PLXNB1: variants seen among roughly 807,000 people sequenced by gnomAD.
PLXNB1 encodes the protein plexin B1, also known as plexin-B1.
A neutral mutation model predicts 209.4 loss-of-function variants in PLXNB1; 106 were observed. The ratio of observed to expected loss-of-function variants is 0.51; its 90% confidence interval spans 0.43 to 0.59. The LOEUF (loss-of-function observed/expected upper bound fraction) is 0.59, where lower values mean the gene tolerates loss of function less well. Ranked by LOEUF, PLXNB1 falls within the 20% of genes least tolerant of loss-of-function variation. The pLI, the probability that PLXNB1 is intolerant of heterozygous loss-of-function variation, is 0.00. For synonymous variants in PLXNB1, 1,167 were observed against 1,183.2 expected, an observed-to-expected ratio of 0.99 and a Z score of 0.28; for missense variants, 2,357 against 2,853.2, an observed-to-expected ratio of 0.83 and a Z score of 3.96.
At position 48,409,958 on chromosome 3, in the gene PLXNB1, C is replaced by G. The variant is rs771648410; in HGVS notation, c.5725G>C (p.Glu1909Gln). Residue 1909 changes from glutamate (E) to glutamine (Q), a missense_variant, in exon 32 of 38, where the codon GAG becomes CAG. By Grantham distance (29) the Glu-to-Gln change is conservative. Transcript: ENST00000296440. The surrounding 1 kb of genome is among the most constrained non-coding windows in gnomAD (Gnocchi z 5.8). The part of the protein sequence containing the change: ...RRGSLRGGER[E>Q]RAKAIPEIYL... ...ATCTCAGGGATGGCCTTGGCGCGCT[C>G]ACGCTCCCCGCCCCGAAGGCTGCCC... The G allele has an allele frequency of 6.2e-7, 1 of 1,612,206 alleles. No homozygotes were observed. Among genetic ancestry groups the G allele is most frequent in the East Asian group, 2.2e-5 (1 of 44,792 alleles).
In PLXNB1 at chr3:48,406,605, T is replaced by C. The variant is rs909212553; in HGVS notation, c.6228+218A>G. On this transcript the variant is annotated intron_variant, in intron 36 of 37. Transcript: ENST00000296440. This position sits in a 1 kb window ranked among gnomAD's most constrained non-coding sequence, Gnocchi z 4.4. ...TGGCTGAATCAGGGTACATGGCAGC[T>C]GCCAGGACAAGACCCCTGCTTGCTC... 25 of 1,389,200 alleles carry C rather than the reference T, an allele frequency of 1.8e-5. No homozygotes were observed. Among genetic ancestry groups the C allele is most frequent in the Non-Finnish European group, 2.0e-5 (22 of 1,073,774 alleles). The allele number at this position is 1,389,200 out of a possible 1,614,324, so 86.1% of individuals were successfully genotyped here. A position where few individuals can be genotyped will look rare whatever the true frequency, so the allele number is the denominator to read the frequency against.
At position 48,422,850 on chromosome 3, in the gene PLXNB1, C is replaced by T. The variant is rs751748174; in HGVS notation, c.1205G>A (p.Gly402Glu). The T allele has an allele frequency of 1.2e-6, 2 of 1,614,136 alleles. No homozygotes were observed. The highest frequency in any genetic ancestry group is 2.2e-5 in the South Asian group (2 of 91,080). ...LEATPILEWP[G>E]IQLTAVAVTM... The stretch of plus-strand genomic sequence containing the variant: ...GACTGCCACAGCTGTTAGCTGAATC[C>T]CTGGCCACTCCAGAATTGGTGTGGC... The change falls in exon 4 of 38, where the codon GGG becomes GAG. Residue 402 changes from glycine to glutamate, a missense_variant. Around this residue, in one of 7 missense-constraint regions of PLXNB1, gnomAD observed 404 missense variants for 443.6 expected, o/e 0.91. Coordinates refer to ENST00000296440, the MANE Select transcript of PLXNB1 (RefSeq NM_001130082.3).
In PLXNB1 at chr3:48,421,757, G is replaced by A; in HGVS notation, c.1570C>T (p.Leu524=). The part of the protein sequence containing the change: ...CSRGQGPEQW[L]WSFQPELGCL... ...CCCAGCTCAGGCTGGAAGCTCCATA[G>A]CCACTGCTCTGGGCCCTGGCCCCTC... is the stretch of plus-strand genomic sequence containing the variant. Residue 524 remains leucine (L), a synonymous_variant, in exon 7 of 38, where the codon CTA becomes TTA. Transcript: ENST00000296440. 1.2e-6 allele frequency: 2 copies of A among 1,610,038 alleles called. No homozygotes were observed. Among genetic ancestry groups the A allele is most frequent in the Non-Finnish European group, 1.7e-6 (2 of 1,176,804 alleles).
chr3:48,409,548 G>A lies in PLXNB1; in HGVS notation c.5939+23C>T, dbSNP rs1456585249. 3.1e-6 allele frequency: 5 copies of A among 1,613,602 alleles called. No individual in the cohort carries two copies. The highest frequency in any genetic ancestry group is 2.7e-5 in the African/African-American group (2 of 74,910). ...AGAGAAGACCCCCCACACACACCTA[G>A]AGCCCACCCAGCTCCACCCCACCTG... is the stretch of plus-strand genomic sequence containing the variant. On this transcript the variant is annotated intron_variant, in intron 33 of 37. Transcript: ENST00000296440. The surrounding 1 kb of genome is among the most constrained non-coding windows in gnomAD (Gnocchi z 5.8).
Position 48,418,784 on chromosome 3 carries a change from G to T in PLXNB1, c.2955+133C>A. On this transcript the variant is annotated intron_variant, in intron 13 of 37. Coordinates refer to ENST00000296440, the MANE Select transcript of PLXNB1 (RefSeq NM_001130082.3). This position sits in a 1 kb window ranked among gnomAD's most constrained non-coding sequence, Gnocchi z 6.6. ...GGCACATGGTCAGAGGTCAGAAATG[G>T]GTGTGGAGACTCCCTCAGGGCGACA... 1 of 1,158,642 alleles carries T rather than the reference G, an allele frequency of 8.6e-7. No individual in the cohort carries two copies. Among genetic ancestry groups the T allele is most frequent in the Non-Finnish European group, 1.3e-6 (1 of 794,404 alleles). The allele number at this position is 1,158,642 out of a possible 1,614,324, so 71.8% of individuals were successfully genotyped here. A position where few individuals can be genotyped will look rare whatever the true frequency, so the allele number is the denominator to read the frequency against.
In PLXNB1 at chr3:48,417,759, A is replaced by T; in HGVS notation, c.3374+152T>A. ...GGTGTGGTGGGTGCTCAGGGTCTTC[A>T]GTGGCAACGCTGGCACTCGGGCATT... is the stretch of plus-strand genomic sequence containing the variant. On this transcript the variant is annotated intron_variant, in intron 16 of 37. Coordinates refer to ENST00000296440, the MANE Select transcript of PLXNB1 (RefSeq NM_001130082.3). This position sits in a 1 kb window ranked among gnomAD's most constrained non-coding sequence, Gnocchi z 4.4. 2 of 830,198 alleles carry T rather than the reference A, an allele frequency of 2.4e-6. No homozygotes were observed. Among genetic ancestry groups the T allele is most frequent in the East Asian group, 2.6e-5 (1 of 38,084 alleles). 51.4% of individuals were successfully genotyped at this position (830,198 alleles called of 1,614,324 possible). A position where few individuals can be genotyped will look rare whatever the true frequency, so the allele number is the denominator to read the frequency against.
chr3:48,418,626 A>G lies in PLXNB1; in HGVS notation c.2956-84T>C. On this transcript the variant is annotated intron_variant, in intron 13 of 37. Coordinates refer to ENST00000296440, the MANE Select transcript of PLXNB1 (RefSeq NM_001130082.3). This position sits in a 1 kb window ranked among gnomAD's most constrained non-coding sequence, Gnocchi z 6.6. The stretch of plus-strand genomic sequence containing the variant: ...GGGGTTAGTCAGAGAAAGGACTAAA[A>G]CGACCAGTTAGGAGCATAGGGTCAG... 1.7e-6 allele frequency: 2 copies of G among 1,198,160 alleles called. No individual in the cohort carries two copies. The highest frequency in any genetic ancestry group is 2.4e-6 in the Non-Finnish European group (2 of 827,674). The allele number at this position is 1,198,160 out of a possible 1,614,324, so 74.2% of individuals were successfully genotyped here.
Position 48,424,540 on chromosome 3 carries a change from T to C in PLXNB1, c.72A>G (p.Pro24=), listed in dbSNP as rs1282586843. Residue 24 remains proline, a synonymous_variant, in exon 3 of 38, where the codon CCA becomes CCG. Coordinates refer to ENST00000296440, the MANE Select transcript of PLXNB1 (RefSeq NM_001130082.3). The part of the protein sequence containing the change: ...AGWVLTLQPL[P]PTAFTPNGTY... ...TGCCATTGGGAGTGAATGCAGTTGG[T>C]GGAAGGGGCTGGAGGGTGAGGACCC... The C allele has an allele frequency of 1.9e-6, 3 of 1,577,798 alleles. No homozygotes were observed. The highest frequency in any genetic ancestry group is 2.7e-5 in the African/African-American group (2 of 73,940).
intron 4 of PLXNB1, 82 bp from the exon 5 acceptor site, chr3:48,422,541 T>C: frequency 1.4e-6 from 2 of 1,441,906 alleles, no homozygotes; most frequent in Non-Finnish European, 1.8e-6. Context: ...CCAATCGAAG[T>C]AATTTACAAA....
In PLXNB1 at chr3:48,419,541, C is replaced by T; in HGVS notation, c.2709+36G>A. ...TAGGGGTAGCATCTTCCCCACATCC[C>T]CTCCCCTGAGGCCTCCTTCCTGGGC... On this transcript the variant is annotated intron_variant, in intron 11 of 37. Coordinates refer to ENST00000296440, the MANE Select transcript of PLXNB1 (RefSeq NM_001130082.3). The surrounding 1 kb of genome is among the most constrained non-coding windows in gnomAD (Gnocchi z 5.7). 1 of 1,571,238 alleles carries T rather than the reference C, an allele frequency of 6.4e-7. No homozygotes were observed. Among genetic ancestry groups the T allele is most frequent in the East Asian group, 2.3e-5 (1 of 44,222 alleles).
rs1355813109 is a variant in PLXNB1 at position 48,415,875 on chromosome 3, G to C, written c.3618-116C>G. 2 of 1,342,094 alleles carry C rather than the reference G, an allele frequency of 1.5e-6. No individual in the cohort carries two copies. Among genetic ancestry groups the C allele is most frequent in the Non-Finnish European group, 2.0e-6 (2 of 985,428 alleles). The allele number at this position is 1,342,094 out of a possible 1,614,324, so 83.1% of individuals were successfully genotyped here. On this transcript the variant is annotated intron_variant, in intron 18 of 37. Coordinates refer to ENST00000296440, the MANE Select transcript of PLXNB1 (RefSeq NM_001130082.3). The surrounding 1 kb of genome is among the most constrained non-coding windows in gnomAD (Gnocchi z 5.0). Reference sequence around the variant, plus strand: ...GCAGTCTCCACCAGGTGTCCCTGGAGGTGCACTCCCACCACAGCTGGCTAG... The same window carrying C: ...GCAGTCTCCACCAGGTGTCCCTGGACGTGCACTCCCACCACAGCTGGCTAG...
chr3:48,419,451 C>T lies in PLXNB1; in HGVS notation c.2710-85G>A, dbSNP rs2038338085. 13 of 1,502,616 alleles carry T rather than the reference C, an allele frequency of 8.7e-6. No homozygotes were observed. Among genetic ancestry groups the T allele is most frequent in the East Asian group, 2.3e-5 (1 of 42,848 alleles). The allele number at this position is 1,502,616 out of a possible 1,614,324, so 93.1% of individuals were successfully genotyped here. On this transcript the variant is annotated intron_variant, in intron 11 of 37. Transcript: ENST00000296440. This position sits in a 1 kb window ranked among gnomAD's most constrained non-coding sequence, Gnocchi z 5.7. ...CCTTGCCAGATTCCAGAGGCAAGGC[C>T]GGTGTGGGGCTGCAGACTCCACCCT...
rs2037710104 is a variant in PLXNB1 at position 48,411,938 on chromosome 3, G to GTC, written c.5170_5171dup (p.Asp1724GlufsTer4). On this transcript the variant is annotated frameshift_variant, in exon 28 of 38. Transcript: ENST00000296440. LOFTEE classifies it high-confidence loss of function. The surrounding 1 kb of genome is among the most constrained non-coding windows in gnomAD (Gnocchi z 4.0). ...TGTATTTGGCCTTGCCTGTCACACT[G>GTC]TCCACTGGCCCCTTATCCACTTGGT... is the stretch of plus-strand genomic sequence containing the variant. The GTC allele has an allele frequency of 6.2e-7, 1 of 1,613,984 alleles. No homozygotes were observed. Among genetic ancestry groups the GTC allele is most frequent in the Non-Finnish European group, 8.5e-7 (1 of 1,179,982 alleles).
rs201421515 is a variant in PLXNB1, at chr3:48,411,871, G to A, written c.5239C>T (p.Arg1747Cys). The change falls in exon 28 of 38, where the codon CGT becomes TGT. Residue 1747 changes from arginine to cysteine, a missense_variant. By Grantham distance (180) the Arg-to-Cys change is radical. Coordinates refer to ENST00000296440, the MANE Select transcript of PLXNB1 (RefSeq NM_001130082.3). The surrounding 1 kb of genome is among the most constrained non-coding windows in gnomAD (Gnocchi z 4.0). ...NRLLREDVEY[R>C]PLTLNALLAV... ...CACTTGCACACCCTCACCAGGGGAC[G>A]GTACTCCACATCCTCTCTGAGCAGG... 139 of 1,613,928 alleles carry A rather than the reference G, an allele frequency of 8.6e-5. No homozygotes were observed. Among genetic ancestry groups the A allele is most frequent in the South Asian group, 2.6e-4 (24 of 91,070 alleles).
intron 1 of PLXNB1, among the ~76,000 whole-genome samples, chr3:48,428,491 C>A (rs1222277866): frequency 6.6e-6 from 1 of 152,190 alleles, no homozygotes; most frequent in Non-Finnish European, 1.5e-5. Context: ...ACCTCCCGGA[C>A]CCCCGTGGAG....
Position 48,424,522 on chromosome 3 carries a change from G to T in PLXNB1, c.90C>A (p.Pro30=). 6.3e-7 allele frequency: 1 copy of T among 1,597,840 alleles called. No individual in the cohort carries two copies. The highest frequency in any genetic ancestry group is 1.3e-5 in the African/African-American group (1 of 74,642). ...CCAGGTGCTGCAGATACGTGCCATT[G>T]GGAGTGAATGCAGTTGGTGGAAGGG... ...LQPLPPTAFT[P]NGTYLQHLAR... is the part of the protein sequence containing the mutation. Residue 30 remains proline, a synonymous_variant, in exon 3 of 38, where the codon CCC becomes CCA. Transcript: ENST00000296440.
In PLXNB1 at chr3:48,424,608, G is replaced by C. The variant is rs2038784608; in HGVS notation, c.4C>G (p.Pro2Ala). M[P>A]ALGPALLQAL... ...TGGAGAAGAGCTGGGCCCAGAGCAGGCATGGTCACCTGGCAGGAAGAGAGG... is the reference window on the plus strand; with the variant it reads ...TGGAGAAGAGCTGGGCCCAGAGCAGCCATGGTCACCTGGCAGGAAGAGAGG... Residue 2 changes from proline (P) to alanine (A), a missense_variant, in exon 3 of 38, where the codon CCT (proline) becomes GCT (alanine). Pro to Ala is a conservative substitution (Grantham distance 27, BLOSUM62 -1). Coordinates refer to ENST00000296440, the MANE Select transcript of PLXNB1 (RefSeq NM_001130082.3). 1 of 1,537,146 alleles carries C rather than the reference G, an allele frequency of 6.5e-7. No homozygotes were observed. Among genetic ancestry groups the C allele is most frequent in the Admixed American group, 2.0e-5 (1 of 51,038 alleles).
rs763148359 is a variant in PLXNB1 at position 48,419,009 on chromosome 3, C to T, written c.2863G>A (p.Glu955Lys). The change falls in exon 13 of 38, where the codon GAG (glutamate) becomes AAG (lysine). Residue 955 changes from glutamate to lysine, a missense_variant. By Grantham distance (56) the Glu-to-Lys change is moderately conservative. Around this residue, in one of 7 missense-constraint regions of PLXNB1, gnomAD observed 410 missense variants for 401.0 expected, o/e 1.02. Transcript: ENST00000296440. The surrounding 1 kb of genome is among the most constrained non-coding windows in gnomAD (Gnocchi z 5.7). Reference protein sequence around the residue: ...DGPGDNECVMELEGLEVVVEA... With the variant: ...DGPGDNECVMKLEGLEVVVEA... ...ACCACCACCTCGAGGCCCTCCAGCT[C>T]CATCACACACTCATTGTCTCCTGGG... 6.2e-7 allele frequency: 1 copy of T among 1,613,964 alleles called. No individual in the cohort carries two copies. The highest frequency in any genetic ancestry group is 8.5e-7 in the Non-Finnish European group (1 of 1,180,022).
chr3:48,422,322 GGC>G lies in PLXNB1; in HGVS notation c.1419+7_1419+8del, dbSNP rs745616757. 3 of 1,610,842 alleles carry G rather than the reference GGC, an allele frequency of 1.9e-6. No individual in the cohort carries two copies. On this transcript the variant is annotated splice_region_variant and intron_variant, in intron 5 of 37. Transcript: ENST00000296440. ...AGCAGCCATGCCCTGGCTTGTGCCT[GGC>G]ACTCACTGTGCTCTGGGTCATGACA...
Sources: gnomAD v4.1 joint callset for allele counts (sites outside exome capture counted in the v4.1 genomes callset) on GRCh38, gnomAD v4.1.1 for gene constraint, gnomAD v4.1.1 regional missense constraint, Gnocchi (gnomAD v3.1) non-coding constraint, MANE v1.5 for transcripts, NCBI Gene and HGNC (gene_info 2026-07-23, HGNC 2026-07-21) for gene names.